The following PRKN variants were observed in gnomAD, a reference collection of about 807,000 sequenced individuals.
PRKN encodes parkin RBR E3 ubiquitin protein ligase, also known as E3 ubiquitin-protein ligase parkin.
Under a neutral mutation model 59.5 loss-of-function variants are expected in PRKN, and 56 were observed. The ratio of observed to expected loss-of-function variants is 0.94; its 90% CI spans 0.76 to 1.18. The LOEUF (loss-of-function observed/expected upper bound fraction) is 1.18. Among genes scored for constraint, PRKN ranks in the 50% most tolerant of loss-of-function variants. The pLI is 0.00. For synonymous variants in PRKN, 250 were observed against 222.1 expected, an observed-to-expected ratio of 1.13 and a Z score of -1.12; for missense variants, 657 against 596.4, an observed-to-expected ratio of 1.10 and a Z score of -1.06.
At chr6:162,013,564 CA>C (rs1782818857) in intron 5 of PRKN, among the ~76,000 whole-genome samples, 1 of 152,194 alleles carries the variant, frequency 6.6e-6, no homozygotes, top group African/African-American at 2.4e-5. Context: ...GTGTTATACA[CA>C]AAAATATCTT....
intron 1 of PRKN, among the ~76,000 whole-genome samples, chr6:162,579,140 C>T (rs1283117241): frequency 6.6e-6 from 1 of 152,158 alleles, no homozygotes; most frequent in East Asian, 1.9e-4. Context: ...GAAATCAAAG[C>T]CTGTCATTGC....
chr6:161,909,888 A>G (rs922982465), intron 6 of PRKN, among the ~76,000 whole-genome samples: 14 of 152,216 alleles, frequency 9.2e-5, no homozygotes, highest in African/African-American at 3.1e-4. Context: ...CAATAGTGCA[A>G]TAGTGAAATA....
intron 7 of PRKN, among the ~76,000 whole-genome samples, chr6:161,604,778 T>C (rs1158861875): frequency 6.6e-6 from 1 of 151,910 alleles, no homozygotes; most frequent in Non-Finnish European, 1.5e-5. Context: ...CTACCAAAAA[T>C]ACAAAAAAGA....
At chr6:162,020,490 TTGA>T (rs34843097) in intron 5 of PRKN, among the ~76,000 whole-genome samples, 33,474 of 152,000 alleles carry the variant, frequency 0.22, 4,160 homozygotes, top group Non-Finnish European at 0.29. Context: ...CAAAAAGTGG[TTGA>T]TGAAGTTGGA....
chr6:161,785,652 A>G (rs927599090), intron 7 of PRKN, 120 bp downstream of exon 7: 4 of 924,558 alleles, frequency 4.3e-6, no homozygotes, highest in Middle Eastern at 2.2e-4. Flanking sequence ...CATATCCAGC[A>G]ATGATCAAAT....
chr6:162,565,970 T>C (rs1451940267), intron 1 of PRKN, among the ~76,000 whole-genome samples: 1 of 151,992 alleles, frequency 6.6e-6, no homozygotes, highest in Non-Finnish European at 1.5e-5. Flanking sequence ...AGACAAAAAC[T>C]ATAAGAAGAT....
At chr6:161,674,058 T>A (rs983557210) in intron 7 of PRKN, among the ~76,000 whole-genome samples, 2 of 151,896 alleles carry the variant, frequency 1.3e-5, no homozygotes, top group East Asian at 3.9e-4. Flanking sequence ...TTTAAGTCAA[T>A]GATGCAAGGA....
intron 2 of PRKN, among the ~76,000 whole-genome samples, chr6:162,345,079 G>C (rs763959137): frequency 6.6e-6 from 1 of 152,184 alleles, no homozygotes; most frequent in Non-Finnish European, 1.5e-5. Flanking sequence ...ACTCCCCTGA[G>C]TTCATCCCCA....
At position 162,054,078 on chromosome 6, in the gene PRKN, A is replaced by G. The variant is rs528221295; in HGVS notation, c.618+13T>C. 1.9e-6 allele frequency: 3 copies of G among 1,543,758 alleles called. No individual in the cohort carries two copies. The highest frequency in any genetic ancestry group is 3.3e-5 in the Admixed American group (2 of 59,970). On this transcript the variant is annotated intron_variant, in intron 5 of 11. Transcript: ENST00000366898. ...TCTTGCAATAAGAGGAATGAATGTG[A>G]CCAGGTACTTACTGCACTAGTCCCA...
At chr6:161,835,141 A>C (rs941353302) in intron 6 of PRKN, among the ~76,000 whole-genome samples, 1 of 152,196 alleles carries the variant, frequency 6.6e-6, no homozygotes, top group African/African-American at 2.4e-5. Context: ...TTAAAATCTG[A>C]AATACGACAG....
chr6:162,657,415 G>C (rs778015097), intron 1 of PRKN, among the ~76,000 whole-genome samples: 5 of 151,998 alleles, frequency 3.3e-5, no homozygotes, highest in Admixed American at 6.6e-5. Flanking sequence ...TAAAATCAAA[G>C]TTGAGTAAAT....
intron 7 of PRKN, among the ~76,000 whole-genome samples, chr6:161,629,050 A>C (rs1183296495): frequency 6.6e-6 from 1 of 152,228 alleles, no homozygotes; most frequent in Admixed American, 6.5e-5. Flanking sequence ...GACACTAGGC[A>C]CTGAGGAAAA....
At chr6:162,437,730 A>T (rs1476629538) in intron 2 of PRKN, among the ~76,000 whole-genome samples, 1 of 152,110 alleles carries the variant, frequency 6.6e-6, no homozygotes, top group Non-Finnish European at 1.5e-5. Flanking sequence ...TTCCCCTGAG[A>T]TCCATCCAAG....
intron 4 of PRKN, among the ~76,000 whole-genome samples, chr6:162,084,835 A>C (rs1467813481): frequency 6.6e-6 from 1 of 151,996 alleles, no homozygotes; most frequent in African/African-American, 2.4e-5. Context: ...TTCAATTATA[A>C]AATAGGTAAT....
chr6:161,380,532 G>A (rs1392142407), intron 10 of PRKN, among the ~76,000 whole-genome samples: 3 of 147,638 alleles, frequency 2.0e-5, no homozygotes, highest in African/African-American at 7.5e-5. Flanking sequence ...TCCTGCCTCA[G>A]CCTCCCACCA....
At chr6:161,500,265 A>C (rs749197959) in intron 9 of PRKN, among the ~76,000 whole-genome samples, 2 of 151,732 alleles carry the variant, frequency 1.3e-5, no homozygotes, top group Non-Finnish European at 2.9e-5. Context: ...AGTGTTCCCC[A>C]CAAGAGTGGT....
At chr6:161,906,138 A>G (rs1778136440) in intron 6 of PRKN, among the ~76,000 whole-genome samples, 1 of 152,118 alleles carries the variant, frequency 6.6e-6, no homozygotes, top group Non-Finnish European at 1.5e-5. Context: ...CAGCCTGGGA[A>G]TTCTTTTCAT....
At chr6:161,997,530 T>A (rs1354626100) in intron 5 of PRKN, among the ~76,000 whole-genome samples, 1 of 152,140 alleles carries the variant, frequency 6.6e-6, no homozygotes, top group Non-Finnish European at 1.5e-5. Context: ...GCCAGCTAGA[T>A]GGCATCTCTC....
In PRKN at chr6:162,262,538, T is replaced by A; in HGVS notation, c.399A>T (p.Pro133=). The A allele has an allele frequency of 6.2e-7, 1 of 1,614,076 alleles. No individual in the cohort carries two copies. The highest frequency in any genetic ancestry group is 8.5e-7 in the Non-Finnish European group (1 of 1,179,992). ...CATTCCAATTACCTGGACTTCCAGC[T>A]GGTGGTGAGTCCTTCCTGCTGTCAG... ...LHTDSRKDSP[P]AGSPAGRSIY... is the part of the protein sequence containing the mutation. Residue 133 remains proline, a synonymous_variant, in exon 3 of 12, where the codon CCA becomes CCT. Transcript: ENST00000366898.
Sources: allele counts gnomAD v4.1 joint callset (sites outside exome capture counted in the v4.1 genomes callset), GRCh38; gene constraint gnomAD v4.1.1; transcripts MANE v1.5; gene names NCBI Gene and HGNC (gene_info 2026-07-23, HGNC 2026-07-21).